Variants in TOP2B observed in about 807,000 individuals in gnomAD.
The protein encoded by TOP2B is DNA topoisomerase 2-beta.
A neutral mutation model predicts 193.5 loss-of-function variants in TOP2B; 51 were observed. The ratio of observed to expected loss-of-function variants is 0.26; its 90% CI spans 0.21 to 0.33. TOP2B has a LOEUF of 0.33. TOP2B is among the 10% of genes least tolerant of loss of function. TOP2B has a pLI of 1.00. For missense variants in TOP2B, 1,378 were observed against 1,909.3 expected, an observed-to-expected ratio of 0.72 and a Z score of 5.19; for synonymous variants, 634 against 635.7, an observed-to-expected ratio of 1.00 and a Z score of 0.04.
rs193176206 is a variant in TOP2B at position 25,649,674 on chromosome 3, A to G, written c.70-4204T>C. ...CAGCAAAAGTGCCCTTCAAAAATGAAGTAGAAATTAATACTTTCTTAGATA... is the reference window on the plus strand; with the variant it reads ...CAGCAAAAGTGCCCTTCAAAAATGAGGTAGAAATTAATACTTTCTTAGATA... On this transcript the variant is annotated intron_variant, in intron 1 of 35. Coordinates refer to ENST00000264331, the MANE Select transcript of TOP2B (RefSeq NM_001330700.2). Among the ~76,000 whole-genome samples the G allele has an allele frequency of 1.6e-4, 25 of 152,208 alleles. No individual in the cohort carries two copies. In the East Asian group the frequency reaches 4.6e-3, roughly 28 times the overall value.
At chr3:25,656,257 G>T (rs1217833309) in intron 1 of TOP2B, among the ~76,000 whole-genome samples, 1 of 152,118 alleles carries the variant, frequency 6.6e-6, no homozygotes, top group Non-Finnish European at 1.5e-5. Flanking sequence ...GAATACAATG[G>T]AAGTCATTTG....
At position 25,664,565 on chromosome 3, in the gene TOP2B, C is replaced by G; in HGVS notation, c.-268G>C. On this transcript the variant is annotated 5_prime_UTR_variant, in exon 1 of 36. Transcript: ENST00000264331. Reference sequence around the variant, plus strand: ...GGCTGAGGAGAAAGCAGGGAGCGACCGGCGGCGGCCGAGCGGCGGCGTTGC... The same window carrying G: ...GGCTGAGGAGAAAGCAGGGAGCGACGGGCGGCGGCCGAGCGGCGGCGTTGC... 9.4e-7 allele frequency: 1 copy of G among 1,069,122 alleles called. No individual in the cohort carries two copies. Among genetic ancestry groups the G allele is most frequent in the South Asian group, 4.5e-5 (1 of 22,066 alleles). 66.2% of individuals were successfully genotyped at this position (1,069,122 alleles called of 1,614,324 possible). A position where few individuals can be genotyped will look rare whatever the true frequency, so the allele number is the denominator to read the frequency against.
intron 7 of TOP2B, among the ~76,000 whole-genome samples, chr3:25,635,546 C>CA (rs1175398245): frequency 6.6e-6 from 1 of 151,860 alleles, no homozygotes. Context: ...ATGTTAAAAA[C>CA]AAAAAACATA....
At chr3:25,620,583 T>C (rs905721948) in intron 22 of TOP2B, 99 bp downstream of exon 22, 4 of 1,305,860 alleles carry the variant, frequency 3.1e-6, no homozygotes, top group Middle Eastern at 1.9e-4. Context: ...TTTTTAACAC[T>C]ACGCACGCTT....
intron 23 of TOP2B, among the ~76,000 whole-genome samples, chr3:25,619,378 T>C (rs1270112369): frequency 6.6e-6 from 1 of 152,080 alleles, no homozygotes; most frequent in Non-Finnish European, 1.5e-5. Flanking sequence ...GCCACTGTAC[T>C]ACTGCTGAAC....
intron 27 of TOP2B, among the ~76,000 whole-genome samples, chr3:25,613,475 T>A (rs1437746819): frequency 1.3e-5 from 2 of 152,196 alleles, no homozygotes; most frequent in Admixed American, 6.5e-5. Context: ...CTCACACCTG[T>A]AATCCCAGCA....
At chr3:25,645,512 G>C (rs757423758) in intron 1 of TOP2B, 42 bp from the exon 2 acceptor site, 1 of 1,504,506 alleles carries the variant, frequency 6.6e-7, no homozygotes, top group East Asian at 2.3e-5. Flanking sequence ...ACCTACCAAG[G>C]GGTAGACAAT....
intron 21 of TOP2B, 75 bp from the exon 22 acceptor site, chr3:25,620,891 C>A: frequency 6.9e-7 from 1 of 1,447,960 alleles, no homozygotes; most frequent in Admixed American, 2.2e-5. Flanking sequence ...CTAACATTGA[C>A]AGATTAACAC....
chr3:25,621,857 C>T (rs770706231), intron 21 of TOP2B, among the ~76,000 whole-genome samples: 40 of 152,016 alleles, frequency 2.6e-4, no homozygotes, highest in Admixed American at 1.6e-3. Context: ...GGCATGGTGG[C>T]GCACACCTGT....
At chr3:25,632,041 G>A (rs1254266333) in intron 10 of TOP2B, among the ~76,000 whole-genome samples, 1 of 152,006 alleles carries the variant, frequency 6.6e-6, no homozygotes. Context: ...TTAAGAACAT[G>A]TAGAAAATAG....
chr3:25,619,928 T>C lies in TOP2B; in HGVS notation c.2997A>G (p.Ala999=). 1.2e-6 allele frequency: 2 copies of C among 1,613,392 alleles called. No homozygotes were observed. The highest frequency in any genetic ancestry group is 1.7e-6 in the Non-Finnish European group (2 of 1,179,692). Residue 999 remains alanine, a synonymous_variant, in exon 23 of 36, where the codon GCA becomes GCG. Transcript: ENST00000264331. Reference sequence around the variant, plus strand: ...TATGCAGTCCAGCAGCTTCTGCTTGTGCTAGTTTCTCTTCAGTCATTTTCA... The same window carrying C: ...TATGCAGTCCAGCAGCTTCTGCTTGCGCTAGTTTCTCTTCAGTCATTTTCA... The part of the protein sequence containing the change: ...FVVKMTEEKL[A]QAEAAGLHKV...
chr3:25,654,933 T>C (rs974749314), intron 1 of TOP2B, among the ~76,000 whole-genome samples: 3 of 152,036 alleles, frequency 2.0e-5, no homozygotes, highest in Non-Finnish European at 4.4e-5. Flanking sequence ...CTAAAAGTAA[T>C]ACCTAAAACT....
intron 4 of TOP2B, among the ~76,000 whole-genome samples, 181 bp downstream of exon 4, chr3:25,642,141 G>T (rs1041906507): frequency 5.9e-5 from 9 of 152,066 alleles, no homozygotes; most frequent in Non-Finnish European, 1.2e-4. Context: ...GCCCCGATAG[G>T]GAAGTTCTTT....
chr3:25,625,964 C>T (rs1344951686), intron 18 of TOP2B, among the ~76,000 whole-genome samples: 2 of 151,774 alleles, frequency 1.3e-5, no homozygotes, highest in South Asian at 2.1e-4. Flanking sequence ...AGAAGAAAGG[C>T]GATTTGTGGC....
Position 25,630,840 on chromosome 3 carries a change from T to C in TOP2B, c.1366A>G (p.Ile456Val), listed in dbSNP as rs777365271. The C allele has an allele frequency of 3.1e-6, 5 of 1,595,032 alleles. No homozygotes were observed. The highest frequency in any genetic ancestry group is 3.4e-6 in the Non-Finnish European group (4 of 1,172,392). Reference protein sequence around the residue: ...KKCSSVKYSKIKGIPKLDDAN... With the variant: ...KKCSSVKYSKVKGIPKLDDAN... ...TCATCCAGTTTGGGAATACCTTTGA[T>C]TTTACTGTATTTTACTGATGAACAC... The change falls in exon 11 of 36, where the codon ATC (isoleucine) becomes GTC (valine). Residue 456 changes from isoleucine (I) to valine (V), a missense_variant. Physicochemically the swap from Ile to Val is conservative, Grantham distance 29. Coordinates refer to ENST00000264331, the MANE Select transcript of TOP2B (RefSeq NM_001330700.2).
intron 18 of TOP2B, among the ~76,000 whole-genome samples, chr3:25,625,776 T>C (rs1326530185): frequency 6.6e-6 from 1 of 152,190 alleles, no homozygotes; most frequent in East Asian, 1.9e-4. Context: ...GTAATCATAC[T>C]GGACCCAGAG....
Position 25,643,801 on chromosome 3 carries a change from A to G in TOP2B, c.241-17T>C, listed in dbSNP as rs1349529228. 6.3e-7 allele frequency: 1 copy of G among 1,587,158 alleles called. No individual in the cohort carries two copies. Among genetic ancestry groups the G allele is most frequent in the Non-Finnish European group, 8.6e-7 (1 of 1,159,042 alleles). ...CCACATGAACTGCATTGAAAAATTC[A>G]AAAAAAATTTTACTCAATAAATCCT... On this transcript the variant is annotated splice_polypyrimidine_tract_variant and intron_variant, in intron 2 of 35. Transcript: ENST00000264331.
chr3:25,602,266 G>A lies in TOP2B; in HGVS notation c.4490-1041C>T, dbSNP rs1279102614. On this transcript the variant is annotated intron_variant, in intron 33 of 35. Transcript: ENST00000264331. Reference sequence around the variant, plus strand: ...CAAAAAATTAGCCCAGTGAGGTGGCGTGTGCCTGTAGTCGCAGCTACTTGG... The same window carrying A: ...CAAAAAATTAGCCCAGTGAGGTGGCATGTGCCTGTAGTCGCAGCTACTTGG... Among the ~76,000 whole-genome samples, 8 of 151,662 alleles carry A rather than the reference G, an allele frequency of 5.3e-5. 1 individual carries two copies. The highest frequency in any genetic ancestry group is 1.3e-4 in the Admixed American group (2 of 15,228).
chr3:25,618,116 C>T (rs1286911518), intron 25 of TOP2B: 1 of 308,916 alleles, frequency 3.2e-6, no homozygotes, highest in Non-Finnish European at 6.0e-6. Flanking sequence ...AAACCACCAC[C>T]ACAACACCTT....
Sources: allele counts gnomAD v4.1 joint callset (sites outside exome capture counted in the v4.1 genomes callset), GRCh38; gene constraint gnomAD v4.1.1; transcripts MANE v1.5; gene names NCBI Gene and HGNC (gene_info 2026-07-23, HGNC 2026-07-21).